Variants in TTC28 observed in about 807,000 individuals in gnomAD.
The protein encoded by TTC28 is tetratricopeptide repeat protein 28.
In TTC28, 61 loss-of-function variants were observed where a neutral mutation model predicts 198.0. The ratio of observed to expected loss-of-function variants is 0.31; its 90% confidence interval spans 0.25 to 0.38. The LOEUF (loss-of-function observed/expected upper bound fraction) is 0.38. Ranked by LOEUF, TTC28 falls within the 10% of genes least tolerant of loss-of-function variation. The probability of loss-of-function intolerance (pLI) is 1.00; values close to 1 mark genes in which losing one functional copy is unlikely to be tolerated. For missense variants in TTC28, 2,678 were observed against 3,164.0 expected (o/e 0.85, Z 3.69); for synonymous variants, 1,171 against 1,297.8 (o/e 0.90, Z 2.10).
chr22:28,488,407 T>C (rs1395274854), intron 2 of TTC28, among the ~76,000 whole-genome samples: 2 of 152,224 alleles, frequency 1.3e-5, no homozygotes, highest in East Asian at 3.8e-4. Flanking sequence ...TCACTTCTCA[T>C]GTTCTGGCCT....
chr22:28,336,716 T>G (rs1270303551), intron 2 of TTC28, among the ~76,000 whole-genome samples: 1 of 152,216 alleles, frequency 6.6e-6, no homozygotes, highest in East Asian at 1.9e-4. Flanking sequence ...TGCATCTATT[T>G]GATTCTTCTC....
chr22:28,449,505 C>T (rs151025552), intron 2 of TTC28, among the ~76,000 whole-genome samples: 1 of 152,188 alleles, frequency 6.6e-6, no homozygotes, highest in East Asian at 1.9e-4. Flanking sequence ...TATTATTATG[C>T]CCATGTTATA....
intron 2 of TTC28, among the ~76,000 whole-genome samples, chr22:28,597,389 C>T (rs540971675): frequency 2.7e-4 from 41 of 152,266 alleles, no homozygotes; most frequent in Non-Finnish European, 5.1e-4. Flanking sequence ...CTATATAACT[C>T]TCTGTTTTTT....
chr22:28,390,414 CGTT>C (rs1455829184), intron 2 of TTC28, among the ~76,000 whole-genome samples: 2 of 151,924 alleles, frequency 1.3e-5, no homozygotes, highest in Admixed American at 6.6e-5. Context: ...CTTTCTGTCT[CGTT>C]GATCTGTCTA....
intron 6 of TTC28, among the ~76,000 whole-genome samples, chr22:28,115,757 G>A (rs913023581): frequency 3.3e-5 from 5 of 152,152 alleles, no homozygotes; most frequent in East Asian, 1.9e-4. Flanking sequence ...GTGAAGTTAC[G>A]AGCCTGTTAT....
intron 5 of TTC28, among the ~76,000 whole-genome samples, chr22:28,192,209 C>T (rs1366229039): frequency 6.6e-6 from 1 of 152,216 alleles, no homozygotes; most frequent in African/African-American, 2.4e-5. Context: ...CAAACTCCAA[C>T]AGACTTGCAG....
At chr22:28,550,804 T>A (rs986977675) in intron 2 of TTC28, among the ~76,000 whole-genome samples, 4 of 152,074 alleles carry the variant, frequency 2.6e-5, no homozygotes, top group African/African-American at 9.7e-5. Flanking sequence ...AAAATTTGAA[T>A]GGAGTTGTTT....
intron 2 of TTC28, among the ~76,000 whole-genome samples, chr22:28,512,382 C>T (rs1009267918): frequency 6.6e-6 from 1 of 152,120 alleles, no homozygotes; most frequent in Non-Finnish European, 1.5e-5. Flanking sequence ...CCTCAAAGAC[C>T]TAGAGGCAGA....
Position 28,107,406 on chromosome 22 carries a change from T to G in TTC28, c.2439A>C (p.Ala813=), listed in dbSNP as rs1181374096. The G allele has an allele frequency of 6.4e-7, 1 of 1,551,836 alleles. No individual in the cohort carries two copies. Among genetic ancestry groups the G allele is most frequent in the Admixed American group, 2.0e-5 (1 of 51,012 alleles). The change falls in exon 7 of 23, where the codon GCA becomes GCC. Residue 813 remains alanine, a synonymous_variant. Transcript: ENST00000397906. ...VYMALGKYTM[A]FKCYEEQLDL... ...CCAGTTGCTCTTCATAACACTTGAA[T>G]GCCATTGTGTATTTCCCAAGGGCCA...
chr22:28,036,974 A>G (rs2146656279), intron 12 of TTC28, among the ~76,000 whole-genome samples: 1 of 152,288 alleles, frequency 6.6e-6, no homozygotes, highest in Non-Finnish European at 1.5e-5. Flanking sequence ...AACTAGGAAG[A>G]AGTTGAATCT....
rs545192125 is a variant in TTC28, at chr22:28,257,809, G to T, written c.933+38389C>A. Among the ~76,000 whole-genome samples, 26 of 103,982 alleles carry T rather than the reference G, an allele frequency of 2.5e-4. 3 individuals are homozygous for T. The East Asian group carries it at 6.3e-3, about 25-fold the overall frequency. The allele number at this position is 103,982 out of a possible 152,430, so 68.2% of individuals were successfully genotyped here. ...TCTACTTCAATAAAAAATAAAAAAA[G>T]AAAAAACAGCTTTGTCACATAAAAA... On this transcript the variant is annotated intron_variant, in intron 5 of 22. Transcript: ENST00000397906.
At chr22:28,306,863 CA>C (rs1156693458) in intron 2 of TTC28, among the ~76,000 whole-genome samples, 1 of 152,188 alleles carries the variant, frequency 6.6e-6, no homozygotes, top group Non-Finnish European at 1.5e-5. Context: ...ACTTCTAAGA[CA>C]CATCAATTTT....
chr22:28,137,940 G>A (rs1284284790), intron 6 of TTC28, among the ~76,000 whole-genome samples: 2 of 152,116 alleles, frequency 1.3e-5, no homozygotes, highest in Non-Finnish European at 2.9e-5. Context: ...ACTTGAGCCC[G>A]GGAGGCAGAG....
At chr22:28,324,416 C>G (rs1307355511) in intron 2 of TTC28, among the ~76,000 whole-genome samples, 1 of 121,056 alleles carries the variant, frequency 8.3e-6, no homozygotes, top group Non-Finnish European at 1.7e-5. Context: ...ATACCAAAAC[C>G]TGGGAGAGAC....
chr22:28,228,064 T>C (rs1170156981), intron 5 of TTC28, among the ~76,000 whole-genome samples: 3 of 152,084 alleles, frequency 2.0e-5, no homozygotes, highest in East Asian at 1.9e-4. Context: ...TGATGCATGC[T>C]ACATGAATAA....
intron 6 of TTC28, among the ~76,000 whole-genome samples, chr22:28,132,609 C>T (rs1269796528): frequency 6.6e-6 from 1 of 151,960 alleles, no homozygotes; most frequent in Admixed American, 6.6e-5. Flanking sequence ...TAGCTTATAC[C>T]AATGTTCTGA....
intron 2 of TTC28, among the ~76,000 whole-genome samples, chr22:28,310,570 AT>A (rs2045238417): frequency 6.6e-6 from 1 of 152,042 alleles, no homozygotes; most frequent in Non-Finnish European, 1.5e-5. Flanking sequence ...ATAACCTAAT[AT>A]TCTACTCTCC....
intron 2 of TTC28, among the ~76,000 whole-genome samples, chr22:28,478,969 C>T (rs1022820050): frequency 1.3e-5 from 2 of 152,180 alleles, no homozygotes; most frequent in African/African-American, 4.8e-5. Context: ...TGTCTCACCA[C>T]CACAATAATG....
At chr22:28,523,484 ACTAGTCAGAGCT>A (rs1457409073) in intron 2 of TTC28, among the ~76,000 whole-genome samples, 3 of 152,294 alleles carry the variant, frequency 2.0e-5, no homozygotes, top group Non-Finnish European at 2.9e-5. Context: ...TGAGGCCTTA[ACTAGTCAGAGCT>A]CTAGTCTGCT....
Sources: allele counts gnomAD v4.1 joint callset (sites outside exome capture counted in the v4.1 genomes callset), GRCh38; gene constraint gnomAD v4.1.1; transcripts MANE v1.5; gene names NCBI Gene and HGNC (gene_info 2026-07-23, HGNC 2026-07-21).